The following LAMA5 variants were observed in gnomAD, a reference collection of about 807,000 sequenced individuals.
LAMA5 encodes the protein laminin subunit alpha 5.
In LAMA5, 260 loss-of-function variants were observed where a neutral mutation model predicts 433.4. The ratio of observed to expected loss-of-function variants is 0.60; its 90% confidence interval spans 0.54 to 0.66. The LOEUF is 0.66. Ranked by LOEUF, LAMA5 falls within the 30% of genes least tolerant of loss-of-function variation. The pLI is 0.00. For synonymous variants in LAMA5, 2,620 were observed against 2,226.6 expected, an observed-to-expected ratio of 1.18 and a Z score of -4.97; for missense variants, 5,378 against 5,258.5, an observed-to-expected ratio of 1.02 and a Z score of -0.70.
chr20:62,332,589 C>T lies in LAMA5; in HGVS notation c.3411G>A (p.Gln1137=), dbSNP rs749437486. The T allele has an allele frequency of 6.3e-7, 1 of 1,594,480 alleles. No individual in the cohort carries two copies. The highest frequency in any genetic ancestry group is 1.1e-5 in the South Asian group (1 of 89,930). ...AVHTPQRAPQ[Q]GLLSLHPCLY... ...GGCAGGGGTGCAGGGAGAGCAGCCCCTGCTGGGGGGCCCGCTGTGGGGTGT... is the reference window on the plus strand; with the variant it reads ...GGCAGGGGTGCAGGGAGAGCAGCCCTTGCTGGGGGGCCCGCTGTGGGGTGT... Residue 1137 remains glutamine (Q), a synonymous_variant, in exon 27 of 80, where the codon CAG becomes CAA. Coordinates refer to ENST00000252999, the MANE Select transcript of LAMA5 (RefSeq NM_005560.6).
rs1002675914 is a variant in LAMA5 at position 62,322,767 on chromosome 20, G to A, written c.6065-9C>T. 38 of 1,469,582 alleles carry A rather than the reference G, an allele frequency of 2.6e-5. No individual in the cohort carries two copies. The highest frequency in any genetic ancestry group is 1.9e-4 in the Admixed American group (8 of 42,086). The allele number at this position is 1,469,582 out of a possible 1,614,324, so 91.0% of individuals were successfully genotyped here. On this transcript the variant is annotated splice_polypyrimidine_tract_variant and intron_variant, in intron 45 of 79. Coordinates refer to ENST00000252999, the MANE Select transcript of LAMA5 (RefSeq NM_005560.6). ...TGGGGTACAGTCGCACCCTGCAGAA[G>A]GGGTCCGTGACTGCAGCCCTGGGCC...
At position 62,312,230 on chromosome 20, in the gene LAMA5, G is replaced by A. The variant is rs143973406; in HGVS notation, c.9447C>T (p.Ser3149=). 4.0e-4 allele frequency: 648 copies of A among 1,610,630 alleles called. 3 individuals carry two copies. In the African/African-American group the frequency reaches 7.2e-3, roughly 18 times the overall value. The change falls in exon 69 of 80, where the codon TCC becomes TCT. Residue 3149 remains serine, a synonymous_variant. Coordinates refer to ENST00000252999, the MANE Select transcript of LAMA5 (RefSeq NM_005560.6). ...CCTGGGCGCTGTGGAAGCCGAAGCCGGAGTAGACGTTGCCAGTGAGCGGTG... is the reference window on the plus strand; with the variant it reads ...CCTGGGCGCTGTGGAAGCCGAAGCCAGAGTAGACGTTGCCAGTGAGCGGTG... The part of the protein sequence containing the change: ...NVAPLTGNVY[S]GFGFHSAQDS...
In LAMA5 at chr20:62,313,359, C is replaced by A. The variant is rs1265670465; in HGVS notation, c.8760G>T (p.Gln2920His). 2 of 1,580,162 alleles carry A rather than the reference C, an allele frequency of 1.3e-6. No individual in the cohort carries two copies. The highest frequency in any genetic ancestry group is 1.7e-4 in the Middle Eastern group (1 of 6,018). The stretch of plus-strand genomic sequence containing the variant: ...AAGGCCTGTCCACAGCCGTGTCCAG[C>A]TGGAAGGTCCTCTCGAAGTTGTAGA... ...VSLYNFERTF[Q>H]LDTAVDRPCA... Residue 2920 changes from glutamine to histidine, a missense_variant, in exon 64 of 80, where the codon CAG becomes CAT. Gln to His is a conservative substitution (Grantham distance 24). Coordinates refer to ENST00000252999, the MANE Select transcript of LAMA5 (RefSeq NM_005560.6).
chr20:62,341,840 AAAAAAAAG>A (rs1982641476), intron 11 of LAMA5, among the ~76,000 whole-genome samples: 1 of 100,742 alleles, frequency 9.9e-6, no homozygotes, highest in South Asian at 3.3e-4. Flanking sequence ...AAAAAAAAAA[AAAAAAAAG>A]AAGAAGAAAG....
chr20:62,328,534 T>C, intron 34 of LAMA5, 89 bp from the exon 35 acceptor site: 1 of 1,328,992 alleles, frequency 7.5e-7, no homozygotes, highest in South Asian at 1.6e-5. Flanking sequence ...GATGTGGCAG[T>C]GTGACGGGGG....
chr20:62,329,089 C>A (rs200959601), intron 33 of LAMA5, 34 bp from the exon 34 acceptor site: 2 of 1,611,886 alleles, frequency 1.2e-6, no homozygotes, highest in Non-Finnish European at 1.7e-6. Context: ...GGCCAGCTCC[C>A]GGCCCAGACC....
At chr20:62,313,495 T>C in intron 63 of LAMA5, 35 bp from the exon 64 acceptor site, 1 of 1,570,706 alleles carries the variant, frequency 6.4e-7, no homozygotes, top group Non-Finnish European at 8.6e-7. Context: ...GCACCTGGCC[T>C]GAGGCGCCTC....
At chr20:62,363,749 G>A (rs577907496) in intron 1 of LAMA5, among the ~76,000 whole-genome samples, 3 of 152,194 alleles carry the variant, frequency 2.0e-5, no homozygotes, top group South Asian at 2.1e-4. Flanking sequence ...CCTAGGAGGA[G>A]GAGGCAGGAG....
Position 62,311,260 on chromosome 20 carries a change from C to T in LAMA5, c.9990G>A (p.Leu3330=). 1 of 1,604,698 alleles carries T rather than the reference C, an allele frequency of 6.2e-7. No individual in the cohort carries two copies. Among genetic ancestry groups the T allele is most frequent in the Non-Finnish European group, 8.5e-7 (1 of 1,177,004 alleles). The change falls in exon 73 of 80, where the codon CTG becomes CTA. Residue 3330 remains leucine, a synonymous_variant. Coordinates refer to ENST00000252999, the MANE Select transcript of LAMA5 (RefSeq NM_005560.6). ...CTCGGGTGGTCCTGAGGTGTGGGGG[C>T]AGCATGCAGGCAGGATGCCGGGCGG... is the stretch of plus-strand genomic sequence containing the variant. ...RQPARHPACM[L]PPHLRTTRDS...
intron 2 of LAMA5, 29 bp from the exon 3 acceptor site, chr20:62,353,280 CA>C (rs1984650739): frequency 6.6e-7 from 1 of 1,509,746 alleles, no homozygotes; most frequent in African/African-American, 1.4e-5. Flanking sequence ...TCAGGGGAGC[CA>C]GGGGCGCCTG....
chr20:62,324,561 G>T lies in LAMA5; in HGVS notation c.5530-7C>A. On this transcript the variant is annotated splice_polypyrimidine_tract_variant and splice_region_variant and intron_variant, in intron 41 of 79. Coordinates refer to ENST00000252999, the MANE Select transcript of LAMA5 (RefSeq NM_005560.6). The surrounding 1 kb of genome is among the most constrained non-coding windows in gnomAD (Gnocchi z 4.4). ...AGAAGCCGGGGGCACATTCCTGAGG[G>T]TGTACGGGGGCAGGTGGCATCAGCG... 6.3e-7 allele frequency: 1 copy of T among 1,597,004 alleles called. No individual in the cohort carries two copies. The highest frequency in any genetic ancestry group is 8.6e-7 in the Non-Finnish European group (1 of 1,167,508).
chr20:62,313,641 G>A lies in LAMA5; in HGVS notation c.8658+8C>T, dbSNP rs367607642. 1.6e-5 allele frequency: 26 copies of A among 1,612,150 alleles called. No individual in the cohort carries two copies. The highest frequency in any genetic ancestry group is 4.0e-5 in the African/African-American group (3 of 74,932). On this transcript the variant is annotated splice_region_variant and intron_variant, in intron 63 of 79. Coordinates refer to ENST00000252999, the MANE Select transcript of LAMA5 (RefSeq NM_005560.6). ...CCTCCCAGGCTGCCCCAGGCCGGGC[G>A]GGCTCACCGTGAAGGTACTGGGGTA...
At position 62,333,574 on chromosome 20, in the gene LAMA5, C is replaced by A; in HGVS notation, c.3011G>T (p.Gly1004Val). ...GTWALRVEAE[G>V]VLLDYVVLLP... The stretch of plus-strand genomic sequence containing the variant: ...TGGCCCCTGCCTCACCAGGAGCACC[C>A]CTTCGGCCTCCACACGCAGGGCCCA... The change falls in exon 24 of 80, where the codon GGG (glycine) becomes GTG (valine). Residue 1004 changes from glycine to valine, a missense_variant. Transcript: ENST00000252999. The A allele has an allele frequency of 2.6e-6, 4 of 1,566,198 alleles. No homozygotes were observed. Among genetic ancestry groups the A allele is most frequent in the Non-Finnish European group, 3.5e-6 (4 of 1,155,810 alleles).
chr20:62,366,844 C>T (rs1445767887), intron 1 of LAMA5, 105 bp downstream of exon 1: 7 of 1,224,008 alleles, frequency 5.7e-6, no homozygotes, highest in Admixed American at 4.2e-5. Context: ...CCAGAGAGTC[C>T]GCACCTGGAC....
At chr20:62,311,816 T>TGGGGCCCCCCCCCCC in intron 70 of LAMA5, 32 bp from the exon 71 acceptor site, 1 of 1,520,974 alleles carries the variant, frequency 6.6e-7, no homozygotes, top group Non-Finnish European at 8.9e-7. Flanking sequence ...GCTCGGTTTT[T>TGGGGCCCCCCCCCCC]CCCCACCCTG....
chr20:62,310,088 G>A lies in LAMA5; in HGVS notation c.10735-7C>T, dbSNP rs1474181135. ...CATCCGCCCGCAGCAGGACCTGGCG[G>A]GGTAGGAAGGGAGGGTCAGGCTATG... On this transcript the variant is annotated splice_polypyrimidine_tract_variant and splice_region_variant and intron_variant, in intron 77 of 79. Transcript: ENST00000252999. The A allele has an allele frequency of 8.7e-6, 14 of 1,611,118 alleles. No individual in the cohort carries two copies. In the East Asian group the frequency reaches 2.9e-4, roughly 33 times the overall value.
At position 62,323,803 on chromosome 20, in the gene LAMA5, G is replaced by A; in HGVS notation, c.5822C>T (p.Pro1941Leu). Residue 1941 changes from proline (P) to leucine (L), a missense_variant, in exon 44 of 80, where the codon CCT becomes CTT. Coordinates refer to ENST00000252999, the MANE Select transcript of LAMA5 (RefSeq NM_005560.6). ...CTCGCAGGAGGCACCTGCATAACCAGGTTTGCAGAGGCACTGGGTGCGGCC... is the reference window on the plus strand; with the variant it reads ...CTCGCAGGAGGCACCTGCATAACCAAGTTTGCAGAGGCACTGGGTGCGGCC... ...RGGRTQCLCK[P>L]GYAGASCERC... 1 of 1,610,882 alleles carries A rather than the reference G, an allele frequency of 6.2e-7. No individual in the cohort carries two copies. The highest frequency in any genetic ancestry group is 2.2e-5 in the East Asian group (1 of 44,814).
intron 38 of LAMA5, 85 bp downstream of exon 38, chr20:62,327,148 G>A: frequency 1.5e-6 from 2 of 1,346,330 alleles, no homozygotes; most frequent in Non-Finnish European, 2.0e-6. Context: ...CCCCTCCCTG[G>A]ACAGACCCCG....
At chr20:62,321,721 T>TGGGGCCAGCGGA (rs1309404900) in intron 48 of LAMA5, among the ~76,000 whole-genome samples, 1 of 17,016 alleles carries the variant, frequency 5.9e-5, no homozygotes, top group African/African-American at 2.5e-4. Flanking sequence ...AGCAGAGGGG[T>TGGGGCCAGCGGA]GGGGTCAGTG....
Sources: gnomAD v4.1 joint callset for allele counts (sites outside exome capture counted in the v4.1 genomes callset) on GRCh38, gnomAD v4.1.1 for gene constraint, Gnocchi (gnomAD v3.1) non-coding constraint, MANE v1.5 for transcripts, NCBI Gene and HGNC (gene_info 2026-07-23, HGNC 2026-07-21) for gene names.